Variants in MAGI1 observed in about 807,000 individuals in gnomAD.
The protein encoded by MAGI1 is membrane associated guanylate kinase, WW and PDZ domain containing 1, also known as membrane-associated guanylate kinase, WW and PDZ domain-containing protein 1.
A neutral mutation model predicts 139.9 loss-of-function variants in MAGI1; 58 were observed. That is an observed-to-expected ratio of 0.41 (90% CI 0.34 to 0.52). The LOEUF (loss-of-function observed/expected upper bound fraction) is 0.52, where lower values mean the gene tolerates loss of function less well. Among genes scored for constraint, MAGI1 ranks in the 20% least tolerant of loss-of-function variants. MAGI1 has a pLI of 0.12. For synonymous variants in MAGI1, 812 were observed against 737.9 expected (o/e 1.10, Z -1.63); for missense variants, 1,874 against 1,901.6 (o/e 0.99, Z 0.27).
intron 2 of MAGI1, among the ~76,000 whole-genome samples, chr3:65,508,722 A>C (rs2077410815): frequency 1.3e-5 from 2 of 152,248 alleles, no homozygotes; most frequent in South Asian, 4.1e-4. Flanking sequence ...ATTTTCATTA[A>C]AAGGAAATGG....
intron 1 of MAGI1, among the ~76,000 whole-genome samples, chr3:65,844,666 T>A (rs1001660857): frequency 4.6e-5 from 7 of 152,022 alleles, no homozygotes; most frequent in African/African-American, 1.4e-4. Context: ...GGAACAGGGG[T>A]CCAGAGAAGC....
At chr3:65,947,942 T>C (rs1361446853) in intron 1 of MAGI1, among the ~76,000 whole-genome samples, 1 of 134,910 alleles carries the variant, frequency 7.4e-6, no homozygotes, top group Non-Finnish European at 1.7e-5. Flanking sequence ...CTTTCTCTTT[T>C]TTTTTTTTTT....
intron 2 of MAGI1, among the ~76,000 whole-genome samples, chr3:65,514,396 T>A (rs13074574): frequency 1.4e-5 from 1 of 70,470 alleles, no homozygotes; most frequent in Non-Finnish European, 2.9e-5. Flanking sequence ...AGAAAATTTT[T>A]GCAACCTACT....
chr3:65,867,754 A>G (rs2059780656), intron 1 of MAGI1, among the ~76,000 whole-genome samples: 1 of 152,052 alleles, frequency 6.6e-6, no homozygotes, highest in South Asian at 2.1e-4. Flanking sequence ...CCCTGAATCA[A>G]AAAAGGGGTG....
intron 2 of MAGI1, among the ~76,000 whole-genome samples, chr3:65,550,543 T>A (rs1426133700): frequency 6.6e-6 from 1 of 152,218 alleles, no homozygotes; most frequent in Non-Finnish European, 1.5e-5. Context: ...CTCTTCCTTT[T>A]ATTCATATAC....
intron 1 of MAGI1, among the ~76,000 whole-genome samples, chr3:65,987,228 A>C (rs138271362): frequency 1.1e-4 from 17 of 152,210 alleles, no homozygotes; most frequent in Admixed American, 1.1e-3. Flanking sequence ...CATTTCACTC[A>C]TGTGACTTTG....
At chr3:65,669,534 T>A (rs374528954) in intron 1 of MAGI1, among the ~76,000 whole-genome samples, 2 of 152,354 alleles carry the variant, frequency 1.3e-5, no homozygotes, top group East Asian at 1.9e-4. Flanking sequence ...ATAACTGTTG[T>A]CAAGACCTTT....
At chr3:65,646,751 A>G (rs1023120758) in intron 1 of MAGI1, among the ~76,000 whole-genome samples, 1 of 152,190 alleles carries the variant, frequency 6.6e-6, no homozygotes, top group African/African-American at 2.4e-5. Context: ...GAAAAATAGG[A>G]GTAAACCTCT....
intron 1 of MAGI1, among the ~76,000 whole-genome samples, chr3:65,629,007 A>G (rs2084135881): frequency 6.6e-6 from 1 of 152,182 alleles, no homozygotes; most frequent in Non-Finnish European, 1.5e-5. Context: ...TATTTATGGT[A>G]TAAATTTTTC....
At chr3:65,961,794 A>C (rs146237200) in intron 1 of MAGI1, among the ~76,000 whole-genome samples, 1 of 152,158 alleles carries the variant, frequency 6.6e-6, no homozygotes, top group East Asian at 1.9e-4. Flanking sequence ...ATAAAGACAG[A>C]CTCCATTCCT....
At chr3:65,981,980 A>G (rs2065606483) in intron 1 of MAGI1, among the ~76,000 whole-genome samples, 1 of 152,212 alleles carries the variant, frequency 6.6e-6, no homozygotes, top group Non-Finnish European at 1.5e-5. Context: ...CATAGAGTTT[A>G]TCATTTGTAT....
intron 1 of MAGI1, among the ~76,000 whole-genome samples, chr3:65,943,392 C>T (rs1045070947): frequency 3.3e-5 from 5 of 151,724 alleles, no homozygotes; most frequent in Non-Finnish European, 5.9e-5. Flanking sequence ...TGGCCAACAT[C>T]GTGAAACCCT....
At chr3:65,442,884 C>T (rs1227370082) in intron 7 of MAGI1, 35 bp from the exon 8 acceptor site, 1 of 1,551,284 alleles carries the variant, frequency 6.4e-7, no homozygotes, top group Non-Finnish European at 8.9e-7. Context: ...GCAAGAAGAG[C>T]ATATTCTTGA....
At chr3:65,397,176 A>G (rs1049509879) in intron 13 of MAGI1, among the ~76,000 whole-genome samples, 5 of 152,214 alleles carry the variant, frequency 3.3e-5, no homozygotes, top group Non-Finnish European at 5.9e-5. Context: ...TTGTCACACA[A>G]GTGGCATCAG....
chr3:65,567,145 T>C (rs2080700201), intron 2 of MAGI1, among the ~76,000 whole-genome samples: 1 of 152,200 alleles, frequency 6.6e-6, no homozygotes, highest in Non-Finnish European at 1.5e-5. Flanking sequence ...AGGACACTCA[T>C]AATGTTAAGA....
intron 5 of MAGI1, among the ~76,000 whole-genome samples, chr3:65,468,461 C>T (rs987582127): frequency 6.7e-6 from 1 of 150,002 alleles, no homozygotes; most frequent in Admixed American, 6.6e-5. Context: ...CTGCAACCTC[C>T]ACCTCCCAGG....
intron 1 of MAGI1, among the ~76,000 whole-genome samples, chr3:65,786,394 C>T (rs111947627): frequency 2.0e-5 from 3 of 151,592 alleles, no homozygotes; most frequent in African/African-American, 7.3e-5. Context: ...GCAGCCTCAA[C>T]CTCCTAGTCT....
intron 2 of MAGI1, among the ~76,000 whole-genome samples, chr3:65,607,362 A>G (rs2082799081): frequency 6.6e-6 from 1 of 151,994 alleles, no homozygotes; most frequent in Non-Finnish European, 1.5e-5. Flanking sequence ...AACAGGCAAC[A>G]GTAAAGGCAG....
At chr3:66,000,149 T>C (rs780239822) in intron 1 of MAGI1, among the ~76,000 whole-genome samples, 30 of 152,012 alleles carry the variant, frequency 2.0e-4, no homozygotes, top group Non-Finnish European at 1.3e-4. Context: ...ATTTTCTTTT[T>C]GTATTTTTAG....
Sources: allele counts gnomAD v4.1 joint callset (sites outside exome capture counted in the v4.1 genomes callset), GRCh38; gene constraint gnomAD v4.1.1; transcripts MANE v1.5; gene names NCBI Gene and HGNC (gene_info 2026-07-23, HGNC 2026-07-21).